Variants in C20orf203 observed in about 807,000 individuals in gnomAD.
The protein encoded by C20orf203 is uncharacterized protein C20orf203.
Under a neutral mutation model 15.9 loss-of-function variants are expected in C20orf203, and 16 were observed. The observed-to-expected ratio is 1.01, with a 90% CI of 0.68 to 1.53. C20orf203 has a LOEUF of 1.53. Ranked by LOEUF, C20orf203 falls within the 40% of genes most tolerant of loss-of-function variation. The pLI is 0.00. For missense variants in C20orf203, 263 were observed against 247.5 expected (o/e 1.06, Z -0.42); for synonymous variants, 98 against 97.2 (o/e 1.01, Z -0.05).
rs781516144 is a variant in C20orf203, at chr20:32,650,510, G to A, written c.507C>T (p.Ser169=). ...AAGGTGCAGGCAACTTGCCTGGCAA[G>A]GATGGGAGGCAGAAGTCCTGGAAAC... ...STCFQDFCLP[S]LPGKLPAPLI... The change falls in exon 4 of 6, where the codon TCC becomes TCT. Residue 169 remains serine, a synonymous_variant. Coordinates refer to ENST00000608990, the MANE Select transcript of C20orf203 (RefSeq NM_182584.4). 5.8e-6 allele frequency: 9 copies of A among 1,550,514 alleles called. No individual in the cohort carries two copies. The South Asian group carries it at 5.9e-5, about 10-fold the overall frequency.
chr20:32,642,833 C>T (rs550246522), intron 4 of C20orf203, among the ~76,000 whole-genome samples: 1 of 152,172 alleles, frequency 6.6e-6, no homozygotes, highest in Non-Finnish European at 1.5e-5. Context: ...CATCTCCTTG[C>T]TGTGTAACCA....
intron 4 of C20orf203, among the ~76,000 whole-genome samples, chr20:32,648,751 C>A (rs1600931253): frequency 6.6e-6 from 1 of 151,934 alleles, no homozygotes; most frequent in Non-Finnish European, 1.5e-5. Flanking sequence ...TGCGCTGGGC[C>A]AATAAACTTT....
intron 5 of C20orf203, among the ~76,000 whole-genome samples, chr20:32,637,653 A>C (rs987552654): frequency 3.9e-4 from 60 of 152,146 alleles, no homozygotes; most frequent in Non-Finnish European, 1.5e-4. Flanking sequence ...CTTGGACTAC[A>C]GTGTCAGCTC....
intron 1 of C20orf203, among the ~76,000 whole-genome samples, chr20:32,664,984 C>G (rs749644687): frequency 5.9e-5 from 9 of 152,254 alleles, no homozygotes; most frequent in Non-Finnish European, 1.2e-4. Context: ...CAGCAAAGCC[C>G]AAATCCATTC....
chr20:32,669,967 T>G (rs1330693790), intron 1 of C20orf203, among the ~76,000 whole-genome samples: 2 of 152,104 alleles, frequency 1.3e-5, no homozygotes, highest in African/African-American at 2.4e-5. Context: ...TTTGGGAGGC[T>G]GAGGAGGGTG....
chr20:32,659,264 T>A (rs1982834655), intron 1 of C20orf203, among the ~76,000 whole-genome samples: 1 of 152,168 alleles, frequency 6.6e-6, no homozygotes, highest in South Asian at 2.1e-4. Flanking sequence ...GGGAATGTAA[T>A]CCTGGCTTGA....
Position 32,649,489 on chromosome 20 carries a change from C to T in C20orf203, c.*943G>A, listed in dbSNP as rs1356703343. On this transcript the variant is annotated 3_prime_UTR_variant, in exon 4 of 6. Transcript: ENST00000608990. ...AGGCATGGTACGGTTTGGTGGCTGG[C>T]CCAAGGCCACAGAGATGGGCAGTAC... The T allele has an allele frequency of 1.3e-5, 2 of 152,438 alleles. No homozygotes were observed. Among genetic ancestry groups the T allele is most frequent in the Non-Finnish European group, 2.9e-5 (2 of 68,182 alleles). 9.4% of individuals were successfully genotyped at this position (152,438 alleles called of 1,614,324 possible).
intron 1 of C20orf203, 67 bp from the exon 2 acceptor site, chr20:32,652,048 G>T (rs1022574125): frequency 6.6e-6 from 1 of 152,126 alleles, no homozygotes; most frequent in African/African-American, 2.4e-5. Flanking sequence ...TGGATGCAGT[G>T]GCTCACACCT....
At chr20:32,635,155 C>T (rs571820267) in intron 5 of C20orf203, among the ~76,000 whole-genome samples, 20 of 151,572 alleles carry the variant, frequency 1.3e-4, no homozygotes, top group African/African-American at 4.4e-4. Flanking sequence ...GATTGTGCCA[C>T]TGCACTCCAG....
chr20:32,648,263 A>T (rs1982491158), intron 4 of C20orf203, among the ~76,000 whole-genome samples: 1 of 151,128 alleles, frequency 6.6e-6, no homozygotes, highest in South Asian at 2.1e-4. Flanking sequence ...TGCACTCCCC[A>T]TTCCCTCCTC....
At chr20:32,646,454 C>A (rs1009941010) in intron 4 of C20orf203, among the ~76,000 whole-genome samples, 4 of 152,138 alleles carry the variant, frequency 2.6e-5, no homozygotes, top group African/African-American at 9.7e-5. Context: ...GATCCACCCG[C>A]CTTGGCCTCC....
chr20:32,659,691 T>C (rs557541904), intron 1 of C20orf203, among the ~76,000 whole-genome samples: 11 of 152,260 alleles, frequency 7.2e-5, no homozygotes, highest in Middle Eastern at 3.4e-3. Flanking sequence ...ATGAGGACTC[T>C]GAGAATGAGA....
rs947923983 is a variant in C20orf203, at chr20:32,634,101, G to A, written c.*1469C>T. 1 of 398,458 alleles carries A rather than the reference G, an allele frequency of 2.5e-6. No homozygotes were observed. Among genetic ancestry groups the A allele is most frequent in the Admixed American group, 4.4e-5 (1 of 22,696 alleles). The allele number at this position is 398,458 out of a possible 1,614,324, so 24.7% of individuals were successfully genotyped here. ...TCCAGCCTGAGCTTTGTCCTTGGGG[G>A]ACACAGAAAACAACAAAGAAATGGC... On this transcript the variant is annotated 3_prime_UTR_variant, in exon 6 of 6. Transcript: ENST00000608990.
intron 4 of C20orf203, among the ~76,000 whole-genome samples, chr20:32,643,753 C>T (rs1982350697): frequency 6.6e-6 from 1 of 152,132 alleles, no homozygotes; most frequent in African/African-American, 2.4e-5. Flanking sequence ...ACGATGAACA[C>T]CCTTTTCTGC....
chr20:32,639,421 C>T (rs1471746972), intron 5 of C20orf203, among the ~76,000 whole-genome samples: 1 of 152,112 alleles, frequency 6.6e-6, no homozygotes, highest in African/African-American at 2.4e-5. Context: ...ACCCCAGTTC[C>T]ACCCTGCAAA....
At chr20:32,637,149 C>T (rs1982158392) in intron 5 of C20orf203, among the ~76,000 whole-genome samples, 1 of 152,228 alleles carries the variant, frequency 6.6e-6, no homozygotes, top group African/African-American at 2.4e-5. Context: ...ATGGCTCACG[C>T]CTGTAATCCC....
At chr20:32,635,592 G>A (rs1291673199) in intron 5 of C20orf203, among the ~76,000 whole-genome samples, 3 of 151,928 alleles carry the variant, frequency 2.0e-5, no homozygotes, top group Non-Finnish European at 4.4e-5. Flanking sequence ...GAGGTGGGGG[G>A]ATTGCTTGAG....
At chr20:32,653,141 T>G (rs1982679504) in intron 1 of C20orf203, among the ~76,000 whole-genome samples, 1 of 152,118 alleles carries the variant, frequency 6.6e-6, no homozygotes, top group Admixed American at 6.5e-5. Context: ...CTGAAGCCAC[T>G]GTGAATTTAA....
intron 5 of C20orf203, among the ~76,000 whole-genome samples, chr20:32,636,589 C>T (rs1035467815): frequency 2.0e-5 from 3 of 152,190 alleles, no homozygotes; most frequent in Non-Finnish European, 4.4e-5. Flanking sequence ...CCTGTCATCC[C>T]TTCCTGCCTC....
Sources: gnomAD v4.1 joint callset for allele counts (sites outside exome capture counted in the v4.1 genomes callset) on GRCh38, gnomAD v4.1.1 for gene constraint, MANE v1.5 for transcripts, NCBI Gene and HGNC (gene_info 2026-07-23, HGNC 2026-07-21) for gene names.